ARID4A: variants seen among roughly 807,000 people sequenced by gnomAD.
ARID4A encodes the protein AT-rich interactive domain-containing protein 4A.
Under a neutral mutation model 148.6 loss-of-function variants are expected in ARID4A, and 39 were observed. The observed-to-expected ratio is 0.26, with a 90% confidence interval of 0.20 to 0.34. ARID4A has a LOEUF of 0.34. Ranked by LOEUF, ARID4A falls within the 10% of genes least tolerant of loss-of-function variation. The pLI, the probability that ARID4A is intolerant of heterozygous loss-of-function variation, is 1.00. For missense variants in ARID4A, 1,265 were observed against 1,449.1 expected, an observed-to-expected ratio of 0.87 and a Z score of 2.06; for synonymous variants, 475 against 481.2, an observed-to-expected ratio of 0.99 and a Z score of 0.17.
chr14:58,368,133 G>T (rs2035438544), intron 23 of ARID4A, among the ~76,000 whole-genome samples: 1 of 152,098 alleles, frequency 6.6e-6, no homozygotes, highest in Non-Finnish European at 1.5e-5. Context: ...TGTAGACTTG[G>T]GGGCACCAGC....
intron 3 of ARID4A, among the ~76,000 whole-genome samples, chr14:58,304,694 T>G: frequency 6.6e-6 from 1 of 152,146 alleles, no homozygotes; most frequent in East Asian, 1.9e-4. Flanking sequence ...TATAGTTCAT[T>G]TAGTAAACAG....
At chr14:58,366,861 T>G (rs759213575) in intron 22 of ARID4A, 22 bp from the exon 23 acceptor site, 1 of 1,471,768 alleles carries the variant, frequency 6.8e-7, no homozygotes, top group East Asian at 2.7e-5. Flanking sequence ...AAATCCAAAT[T>G]AACTTCTTTC....
At chr14:58,362,301 AT>A (rs1226360161) in intron 19 of ARID4A, among the ~76,000 whole-genome samples, 1 of 152,070 alleles carries the variant, frequency 6.6e-6, no homozygotes, top group Middle Eastern at 3.2e-3. Context: ...TAATTAAGAA[AT>A]TTTAGGCTGA....
In ARID4A at chr14:58,372,227, A is replaced by G; in HGVS notation, c.*238A>G. The G allele has an allele frequency of 2.4e-6, 1 of 413,528 alleles. No individual in the cohort carries two copies. The allele number at this position is 413,528 out of a possible 1,614,324, so 25.6% of individuals were successfully genotyped here. A position where few individuals can be genotyped will look rare whatever the true frequency, so the allele number is the denominator to read the frequency against. On this transcript the variant is annotated 3_prime_UTR_variant, in exon 24 of 24. Coordinates refer to ENST00000355431, the MANE Select transcript of ARID4A (RefSeq NM_002892.4). Reference sequence around the variant, plus strand: ...ATATTTGTCATAATTTTTCCTCTTTACTTTTGTTTTTCGTTTGTTGTGATA... The same window carrying G: ...ATATTTGTCATAATTTTTCCTCTTTGCTTTTGTTTTTCGTTTGTTGTGATA...
chr14:58,332,284 A>T (rs1036669132), intron 11 of ARID4A, among the ~76,000 whole-genome samples: 2 of 152,150 alleles, frequency 1.3e-5, no homozygotes, highest in African/African-American at 4.8e-5. Flanking sequence ...TGTCACCTAA[A>T]TTATGAGCCT....
chr14:58,342,386 T>C (rs2034155980), intron 11 of ARID4A, among the ~76,000 whole-genome samples: 1 of 152,170 alleles, frequency 6.6e-6, no homozygotes, highest in South Asian at 2.1e-4. Flanking sequence ...CCTAAAGCAC[T>C]CTTGGTTACC....
intron 14 of ARID4A, among the ~76,000 whole-genome samples, 154 bp downstream of exon 14, chr14:58,347,271 T>C (rs2034420492): frequency 1.3e-5 from 2 of 152,204 alleles, no homozygotes; most frequent in Non-Finnish European, 2.9e-5. Context: ...TTGAAAGTTA[T>C]TTCAGCGCAT....
At position 58,365,283 on chromosome 14, in the gene ARID4A, G is replaced by A. The variant is rs370213485; in HGVS notation, c.3194G>A (p.Arg1065Lys). 5.6e-6 allele frequency: 9 copies of A among 1,611,386 alleles called. No individual in the cohort carries two copies. In the African/African-American group the frequency reaches 1.1e-4, roughly 19 times the overall value. ...ACCTGTAGTATAATTGTACAAGAGA[G>A]AGAGAGCAGAGAGAAGGGTAAGGAC... is the stretch of plus-strand genomic sequence containing the variant. ...SGTCSIIVQE[R>K]ESREKGQKRP... Residue 1065 changes from arginine to lysine, a missense_variant, in exon 20 of 24, where the codon AGA becomes AAA. Transcript: ENST00000355431.
chr14:58,346,203 T>G (rs1023351929), intron 12 of ARID4A, among the ~76,000 whole-genome samples: 2 of 148,906 alleles, frequency 1.3e-5, no homozygotes, highest in Admixed American at 6.7e-5. Context: ...ATTATATATA[T>G]TATTATATAT....
At chr14:58,356,590 A>G (rs1234553493) in intron 17 of ARID4A, among the ~76,000 whole-genome samples, 1 of 152,178 alleles carries the variant, frequency 6.6e-6, no homozygotes, top group African/African-American at 2.4e-5. Flanking sequence ...TTTTCAAATC[A>G]TAGTACAGGC....
At chr14:58,338,152 A>G (rs1213816270) in intron 11 of ARID4A, among the ~76,000 whole-genome samples, 1 of 152,214 alleles carries the variant, frequency 6.6e-6, no homozygotes, top group Non-Finnish European at 1.5e-5. Flanking sequence ...TCAGAAAATG[A>G]GTAAATGATA....
chr14:58,323,878 C>T (rs546307082), intron 8 of ARID4A, among the ~76,000 whole-genome samples: 1 of 148,086 alleles, frequency 6.8e-6, no homozygotes, highest in Admixed American at 6.7e-5. Flanking sequence ...TTACTCTATT[C>T]CCATTACCTT....
At chr14:58,340,372 CAG>C (rs1213691205) in intron 11 of ARID4A, among the ~76,000 whole-genome samples, 2 of 150,594 alleles carry the variant, frequency 1.3e-5, no homozygotes, top group Non-Finnish European at 2.9e-5. Context: ...TTTTTTGAGA[CAG>C]AGTCTTGCTC....
chr14:58,336,518 T>G (rs2033823867), intron 11 of ARID4A, among the ~76,000 whole-genome samples: 1 of 151,776 alleles, frequency 6.6e-6, no homozygotes, highest in Non-Finnish European at 1.5e-5. Flanking sequence ...TTTTAAGCTT[T>G]CTTTTTAAAT....
chr14:58,353,818 G>A lies in ARID4A; in HGVS notation c.1816G>A (p.Val606Ile), dbSNP rs200649922. ...IKSTEIDDGE[V>I]LYLVHYYGWN... is the part of the protein sequence containing the mutation. ...AAGCACTGAAATTGATGACGGAGAAGTTTTATATTTGGTACATTACTATGG... is the reference window on the plus strand; with the variant it reads ...AAGCACTGAAATTGATGACGGAGAAATTTTATATTTGGTACATTACTATGG... Residue 606 changes from valine to isoleucine, a missense_variant, in exon 17 of 24, where the codon GTT (valine) becomes ATT (isoleucine). Physicochemically the swap from Val to Ile is conservative, Grantham distance 29. This residue lies in a region of ARID4A where 30 missense variants were observed against 65.7 expected (regional missense o/e 0.46). Transcript: ENST00000355431. 1 of 1,613,756 alleles carries A rather than the reference G, an allele frequency of 6.2e-7. No homozygotes were observed. The highest frequency in any genetic ancestry group is 1.3e-5 in the African/African-American group (1 of 74,996).
chr14:58,338,252 A>C (rs1300583841), intron 11 of ARID4A, among the ~76,000 whole-genome samples: 1 of 152,222 alleles, frequency 6.6e-6, no homozygotes, highest in South Asian at 2.1e-4. Flanking sequence ...ACAGCTTACA[A>C]ATGTTCTATG....
At chr14:58,335,975 C>T (rs1246492777) in intron 11 of ARID4A, among the ~76,000 whole-genome samples, 1 of 151,946 alleles carries the variant, frequency 6.6e-6, no homozygotes, top group East Asian at 1.9e-4. Context: ...CATGCTTGCC[C>T]TCCTCCAATC....
rs753272522 is a variant in ARID4A at position 58,344,685 on chromosome 14, A to G, written c.907-10A>G. ...ACTGTGCCATACATTTATATATTTT[A>G]TCTTTACAGCCTGAGGAAGAACTTG... On this transcript the variant is annotated splice_polypyrimidine_tract_variant and intron_variant, in intron 11 of 23. Transcript: ENST00000355431. 4.4e-6 allele frequency: 7 copies of G among 1,598,514 alleles called. 1 individual carries two copies. The highest frequency in any genetic ancestry group is 2.2e-5 in the East Asian group (1 of 44,648).
chr14:58,329,729 A>T, intron 10 of ARID4A, 125 bp downstream of exon 10: 1 of 982,756 alleles, frequency 1.0e-6, no homozygotes, highest in East Asian at 2.6e-5. Context: ...ATCCACTCTT[A>T]CTTGATTTTT....
Sources: allele counts gnomAD v4.1 joint callset (sites outside exome capture counted in the v4.1 genomes callset), GRCh38; gene constraint gnomAD v4.1.1; regional missense constraint gnomAD v4.1.1; transcripts MANE v1.5; gene names NCBI Gene and HGNC (gene_info 2026-07-23, HGNC 2026-07-21).